Variants in RGS7 observed in about 807,000 individuals in gnomAD.
The protein encoded by RGS7 is regulator of G-protein signaling 7.
RGS7 carries 27 observed loss-of-function variants against 81.1 expected under a neutral mutation model. The ratio of observed to expected loss-of-function variants is 0.33; its 90% CI spans 0.25 to 0.46. The LOEUF (loss-of-function observed/expected upper bound fraction) is 0.46, where lower values mean the gene tolerates loss of function less well. Ranked by LOEUF, RGS7 falls within the 20% of genes least tolerant of loss-of-function variation. The probability of loss-of-function intolerance (pLI) is 1.00; values close to 1 mark genes in which losing one functional copy is unlikely to be tolerated. For synonymous variants in RGS7, 208 were observed against 207.7 expected, an observed-to-expected ratio of 1.00 and a Z score of -0.01; for missense variants, 396 against 607.4, an observed-to-expected ratio of 0.65 and a Z score of 3.66.
At chr1:240,781,482 T>A (rs1370016005) in intron 18 of RGS7, among the ~76,000 whole-genome samples, 1 of 152,166 alleles carries the variant, frequency 6.6e-6, no homozygotes, top group Non-Finnish European at 1.5e-5. Context: ...GGCAGGTGCC[T>A]GCAATCTCAA....
intron 2 of RGS7, among the ~76,000 whole-genome samples, chr1:241,133,054 G>T (rs557633314): frequency 6.6e-6 from 1 of 152,064 alleles, no homozygotes; most frequent in African/African-American, 2.4e-5. Context: ...GAGCCACTGC[G>T]CCCGGCAATT....
chr1:241,048,437 A>C (rs1305246717), intron 3 of RGS7, among the ~76,000 whole-genome samples: 1 of 152,204 alleles, frequency 6.6e-6, no homozygotes. Context: ...AAGCCAGCAT[A>C]AATCTGGGGA....
chr1:240,802,186 C>G (rs1483332037), intron 16 of RGS7, among the ~76,000 whole-genome samples: 3 of 152,100 alleles, frequency 2.0e-5, no homozygotes, highest in Non-Finnish European at 4.4e-5. Context: ...AATTTAAACT[C>G]AGAGTTTCAA....
intron 2 of RGS7, among the ~76,000 whole-genome samples, chr1:241,349,094 T>C (rs1374264633): frequency 1.3e-5 from 2 of 152,184 alleles, no homozygotes; most frequent in African/African-American, 4.8e-5. Flanking sequence ...CCCCAGGCTA[T>C]CCCATTCTAG....
In RGS7 at chr1:241,266,184, T is replaced by C. The variant is rs79966058; in HGVS notation, c.78+89515A>G. ...AAGTTTTAGAAGAGCTCAAGGGGAA[T>C]TGTGAGTCACAAAAAAATCAGAACG... On this transcript the variant is annotated intron_variant, in intron 2 of 18. Transcript: ENST00000440928. Among the ~76,000 whole-genome samples, 1,447 of 152,318 alleles carry C rather than the reference T, an allele frequency of 9.5e-3. 10 individuals carry two copies. Among genetic ancestry groups the C allele is most frequent in the African/African-American group, 0.018 (740 of 41,568 alleles).
At chr1:241,261,984 GTTCA>G (rs772772172) in intron 2 of RGS7, among the ~76,000 whole-genome samples, 57 of 147,056 alleles carry the variant, frequency 3.9e-4, no homozygotes, top group Non-Finnish European at 7.2e-4. Context: ...TTTTTTGTTT[GTTCA>G]TTTTTTAAGA....
intron 2 of RGS7, among the ~76,000 whole-genome samples, chr1:241,108,052 T>C (rs1005063697): frequency 6.6e-6 from 1 of 152,100 alleles, no homozygotes; most frequent in Admixed American, 6.5e-5. Flanking sequence ...CCCAGCACTT[T>C]GGGATGCCGA....
chr1:240,968,308 G>A (rs776173746), intron 4 of RGS7, among the ~76,000 whole-genome samples: 1 of 152,190 alleles, frequency 6.6e-6, no homozygotes, highest in African/African-American at 2.4e-5. Context: ...TGCTACTGAT[G>A]CCTGGCAGAT....
intron 2 of RGS7, among the ~76,000 whole-genome samples, chr1:241,202,189 T>C (rs2073570863): frequency 6.6e-6 from 1 of 152,206 alleles, no homozygotes. Flanking sequence ...GGTATTTCTG[T>C]ACCTGTCTCT....
At chr1:240,943,036 T>C (rs1327093017) in intron 4 of RGS7, among the ~76,000 whole-genome samples, 1 of 152,042 alleles carries the variant, frequency 6.6e-6, no homozygotes, top group African/African-American at 2.4e-5. Flanking sequence ...GTAAGAAAAA[T>C]CAAGTGCCGC....
At chr1:240,970,616 C>G (rs898737865) in intron 4 of RGS7, among the ~76,000 whole-genome samples, 2 of 152,206 alleles carry the variant, frequency 1.3e-5, no homozygotes, top group African/African-American at 2.4e-5. Context: ...CATGTGCAGA[C>G]TTCTCACTTT....
At position 241,251,219 on chromosome 1, in the gene RGS7, AATT is replaced by A. The variant is rs2076811473; in HGVS notation, c.78+104477_78+104479del. ...AATTAACTCCTGGATGCTTTTAACTAATTTTTGTGTTTGGTGCTAATGAAAAAG... is the reference window on the plus strand; with the variant it reads ...AATTAACTCCTGGATGCTTTTAACTATTTGTGTTTGGTGCTAATGAAAAAG... On this transcript the variant is annotated intron_variant, in intron 2 of 18. Transcript: ENST00000440928. Among the ~76,000 whole-genome samples, 6 of 152,310 alleles carry A rather than the reference AATT, an allele frequency of 3.9e-5. No homozygotes were observed. In the South Asian group the frequency reaches 1.2e-3, roughly 32 times the overall value.
At chr1:241,093,714 T>C (rs1018869169) in intron 3 of RGS7, among the ~76,000 whole-genome samples, 2 of 152,184 alleles carry the variant, frequency 1.3e-5, no homozygotes, top group East Asian at 1.9e-4. Context: ...ATATCTGTGG[T>C]TTGCATTTGA....
chr1:241,139,331 A>C (rs1162521829), intron 2 of RGS7, among the ~76,000 whole-genome samples: 1 of 140,716 alleles, frequency 7.1e-6, no homozygotes, highest in Non-Finnish European at 1.5e-5. Flanking sequence ...TTCTTCCTCT[A>C]TTTCTTTCCC....
At chr1:241,087,088 A>T (rs1470238840) in intron 3 of RGS7, among the ~76,000 whole-genome samples, 2 of 152,178 alleles carry the variant, frequency 1.3e-5, no homozygotes, top group East Asian at 3.9e-4. Flanking sequence ...GACAGACAGC[A>T]TGGCTTAATT....
intron 2 of RGS7, among the ~76,000 whole-genome samples, chr1:241,304,681 G>A (rs953022665): frequency 1.3e-5 from 2 of 152,144 alleles, no homozygotes; most frequent in Admixed American, 1.3e-4. Context: ...TGCTAAATAG[G>A]CAGTTAGTTT....
chr1:241,345,957 G>C (rs1486986201), intron 2 of RGS7, among the ~76,000 whole-genome samples: 11 of 152,072 alleles, frequency 7.2e-5, no homozygotes. Context: ...AGAGATTGCA[G>C]TGAGCCGAGA....
chr1:241,253,740 G>A (rs1174814683), intron 2 of RGS7, among the ~76,000 whole-genome samples: 1 of 152,124 alleles, frequency 6.6e-6, no homozygotes, highest in African/African-American at 2.4e-5. Context: ...TTCCCCCAGG[G>A]TTTCTGATTT....
At chr1:240,911,023 T>A (rs1442936665) in intron 6 of RGS7, among the ~76,000 whole-genome samples, 1 of 152,324 alleles carries the variant, frequency 6.6e-6, no homozygotes, top group Non-Finnish European at 1.5e-5. Context: ...AAATTTTTTT[T>A]AAAGAATTCT....
Sources: allele counts gnomAD v4.1 joint callset (sites outside exome capture counted in the v4.1 genomes callset), GRCh38; gene constraint gnomAD v4.1.1; transcripts MANE v1.5; gene names NCBI Gene and HGNC (gene_info 2026-07-23, HGNC 2026-07-21).